Variants in SH3TC2 observed in about 807,000 individuals in gnomAD.
SH3TC2 encodes the protein SH3 domain and tetratricopeptide repeat-containing protein 2.
Under a neutral mutation model 124.5 loss-of-function variants are expected in SH3TC2, and 87 were observed. That is an observed-to-expected ratio of 0.70 (90% CI 0.59 to 0.84). The LOEUF is 0.84. SH3TC2 is among the 40% of genes least tolerant of loss of function. The probability of loss-of-function intolerance (pLI) is 0.00; values close to 1 mark genes in which losing one functional copy is unlikely to be tolerated. For synonymous variants in SH3TC2, 634 were observed against 628.5 expected (o/e 1.01, Z -0.13); for missense variants, 1,536 against 1,566.4 (o/e 0.98, Z 0.33).
At chr5:149,023,631 T>C (rs999722109) in intron 12 of SH3TC2, among the ~76,000 whole-genome samples, 3 of 147,882 alleles carry the variant, frequency 2.0e-5, no homozygotes, top group Non-Finnish European at 4.4e-5. Flanking sequence ...TCACCCAGGC[T>C]GGAGTGCTGT....
chr5:149,026,449 TG>T, intron 12 of SH3TC2, 122 bp downstream of exon 12: 1 of 1,187,822 alleles, frequency 8.4e-7, no homozygotes. Context: ...GCAGAGCCCT[TG>T]CTCTTTTGCA....
rs182989300 is a variant in SH3TC2, at chr5:149,016,978, T to C, written c.3054-4244A>G. Among the ~76,000 whole-genome samples the C allele has an allele frequency of 2.4e-3, 368 of 151,738 alleles. 1 individual carries two copies. Among genetic ancestry groups the C allele is most frequent in the Non-Finnish European group, 4.0e-3 (275 of 67,950 alleles). ...CCAGGAGCAATGACTGCTAGGCTAC[T>C]GTTGTATTCACATGCAAAGAATTAA... On this transcript the variant is annotated intron_variant, in intron 12 of 16. Coordinates refer to ENST00000515425, the MANE Select transcript of SH3TC2 (RefSeq NM_024577.4).
chr5:148,994,269 G>C lies in SH3TC2; in HGVS notation c.*10442C>G, dbSNP rs954713874. ...GTAAGATTAATCTCTTAACCTCTTT[G>C]AACTCATTTCTTCACATGTGTTATG... On this transcript the variant is annotated 3_prime_UTR_variant, in exon 17 of 17. Coordinates refer to ENST00000515425, the MANE Select transcript of SH3TC2 (RefSeq NM_024577.4). Among the ~76,000 whole-genome samples the C allele has an allele frequency of 2.0e-5, 3 of 152,146 alleles. No homozygotes were observed. Among genetic ancestry groups the C allele is most frequent in the Admixed American group, 6.5e-5 (1 of 15,270 alleles).
intron 8 of SH3TC2, chr5:149,034,383 C>A: frequency 3.8e-6 from 1 of 265,038 alleles, no homozygotes; most frequent in Non-Finnish European, 7.6e-6. Flanking sequence ...AGAGTAAGTC[C>A]AACGTACCTC....
At chr5:149,051,286 G>T (rs888993686) in intron 2 of SH3TC2, among the ~76,000 whole-genome samples, 2 of 152,150 alleles carry the variant, frequency 1.3e-5, no homozygotes, top group Admixed American at 1.3e-4. Context: ...TGAAAGATTC[G>T]TACAGATGCC....
At chr5:149,052,049 G>A in intron 2 of SH3TC2, 93 bp downstream of exon 2, 1 of 913,138 alleles carries the variant, frequency 1.1e-6, no homozygotes, top group Non-Finnish European at 1.8e-6. Flanking sequence ...CATCAAGAGG[G>A]AAAGAGGGAG....
chr5:149,019,950 G>A (rs1194649130), intron 12 of SH3TC2, among the ~76,000 whole-genome samples: 1 of 152,198 alleles, frequency 6.6e-6, no homozygotes, highest in Non-Finnish European at 1.5e-5. Context: ...TTCCCTGGAA[G>A]CCTCTGCTCA....
rs376294269 is a variant in SH3TC2 at position 149,045,772 on chromosome 5, G to A, written c.280-1134C>T. 31 of 180,090 alleles carry A rather than the reference G, an allele frequency of 1.7e-4. 1 individual carries two copies. Among genetic ancestry groups the A allele is most frequent in the African/African-American group, 7.0e-4 (29 of 41,500 alleles). 11.2% of individuals were successfully genotyped at this position (180,090 alleles called of 1,614,324 possible). A position where few individuals can be genotyped will look rare whatever the true frequency, so the allele number is the denominator to read the frequency against. ...AGCGATTCCCCTGCCTCAGCCTCTC[G>A]AGTAGCTGGGACTACAGGCACCTGC... On this transcript the variant is annotated intron_variant, in intron 3 of 16. Transcript: ENST00000515425.
At chr5:149,032,225 A>T (rs1580904316) in intron 8 of SH3TC2, among the ~76,000 whole-genome samples, 1 of 152,320 alleles carries the variant, frequency 6.6e-6, no homozygotes, top group Non-Finnish European at 1.5e-5. Context: ...GGCATAGAAC[A>T]ACAGTTTAGT....
intron 9 of SH3TC2, 118 bp downstream of exon 9, chr5:149,031,436 T>C (rs1241938429): frequency 1.4e-6 from 2 of 1,397,428 alleles, no homozygotes; most frequent in African/African-American, 1.4e-5. Flanking sequence ...ATAGTGGTCA[T>C]GGCCACCCAA....
In SH3TC2 at chr5:149,062,979, CG is replaced by C. The variant is rs1561776999; in HGVS notation, c.43del (p.Arg15GlyfsTer19). The C allele has an allele frequency of 6.3e-7, 1 of 1,595,582 alleles. No homozygotes were observed. The highest frequency in any genetic ancestry group is 1.7e-5 in the Admixed American group (1 of 58,128). ...FCIPRERSLT[R>X]GPGKETPSKD... is the part of the protein sequence containing the mutation. ...CCCCCTGGGAAACTCACCTGGGCCC[CG>C]GGTCAGACTCCGCTCCCTGGGGATG... On this transcript the variant is annotated frameshift_variant, in exon 1 of 17. Transcript: ENST00000515425. LOFTEE classifies it high-confidence loss of function.
At chr5:149,041,767 C>T in intron 5 of SH3TC2, 150 bp from the exon 6 acceptor site, 1 of 836,920 alleles carries the variant, frequency 1.2e-6, no homozygotes, top group Non-Finnish European at 2.0e-6. Flanking sequence ...CTAAAAGAGG[C>T]CTTATGATCC....
intron 3 of SH3TC2, chr5:149,045,621 C>T (rs568059980): frequency 1.3e-5 from 2 of 152,980 alleles, no homozygotes; most frequent in South Asian, 2.0e-4. Context: ...AGACTATAAG[C>T]CTCTTGGGGG....
chr5:149,013,914 G>A (rs1753826664), intron 12 of SH3TC2, among the ~76,000 whole-genome samples: 1 of 152,180 alleles, frequency 6.6e-6, no homozygotes, highest in South Asian at 2.1e-4. Flanking sequence ...GAGCACCAGG[G>A]TCTCGGAATA....
rs556141684 is a variant in SH3TC2 at position 149,050,798 on chromosome 5, T to C, written c.151+1344A>G. On this transcript the variant is annotated intron_variant, in intron 2 of 16. Coordinates refer to ENST00000515425, the MANE Select transcript of SH3TC2 (RefSeq NM_024577.4). ...GTATACAATATCTATTTACGTAGTC[T>C]AGATCCTTTAAATATTTATAATCTT... Among the ~76,000 whole-genome samples the C allele has an allele frequency of 2.0e-5, 3 of 152,358 alleles. No homozygotes were observed. The South Asian group carries it at 6.2e-4, about 32-fold the overall frequency.
In SH3TC2 at chr5:149,008,900, C is replaced by T; in HGVS notation, c.3429G>A (p.Glu1143=). The T allele has an allele frequency of 6.2e-7, 1 of 1,614,194 alleles. No homozygotes were observed. Among genetic ancestry groups the T allele is most frequent in the South Asian group, 1.1e-5 (1 of 91,082 alleles). ...CCAGGGTGGCAAATTCCAAAGCCTT[C>T]TCATAGCCTTCGAGGCTAATCTGCA... ...TELQISLEGY[E]KALEFATLAA... Residue 1143 remains glutamate, a synonymous_variant, in exon 15 of 17, where the codon GAG becomes GAA. Coordinates refer to ENST00000515425, the MANE Select transcript of SH3TC2 (RefSeq NM_024577.4).
intron 2 of SH3TC2, among the ~76,000 whole-genome samples, chr5:149,049,348 T>C (rs1754518509): frequency 6.6e-6 from 1 of 152,182 alleles, no homozygotes; most frequent in Non-Finnish European, 1.5e-5. Context: ...TCACGCAGTC[T>C]CCAGCTCAAG....
chr5:148,992,271 A>G lies in SH3TC2; in HGVS notation c.*12440T>C, dbSNP rs569019867. ...TGGGGATTTTTACCCAGGTAGCATA[A>G]TCCCAAGGTTTATGCTCTTAACCAT... On this transcript the variant is annotated 3_prime_UTR_variant, in exon 17 of 17. Coordinates refer to ENST00000515425, the MANE Select transcript of SH3TC2 (RefSeq NM_024577.4). 1.6e-4 allele frequency among the ~76,000 whole-genome samples: 24 copies of G among 152,356 alleles called. 1 individual carries two copies. Among genetic ancestry groups the G allele is most frequent in the African/African-American group, 4.8e-4 (20 of 41,590 alleles).
intron 1 of SH3TC2, among the ~76,000 whole-genome samples, chr5:149,061,998 T>G (rs1202262946): frequency 6.6e-6 from 1 of 152,114 alleles, no homozygotes; most frequent in Non-Finnish European, 1.5e-5. Flanking sequence ...TTCACTTTAA[T>G]GACCTCAAGT....
Sources: gnomAD v4.1 joint callset for allele counts (sites outside exome capture counted in the v4.1 genomes callset) on GRCh38, gnomAD v4.1.1 for gene constraint, MANE v1.5 for transcripts, NCBI Gene and HGNC (gene_info 2026-07-23, HGNC 2026-07-21) for gene names.